The following DCC variants were observed in gnomAD, a reference collection of about 807,000 sequenced individuals.
DCC encodes DCC netrin 1 receptor, also known as netrin receptor DCC.
DCC carries 58 observed loss-of-function variants against 172.5 expected under a neutral mutation model. The observed-to-expected ratio is 0.34, with a 90% CI of 0.27 to 0.42. The LOEUF (loss-of-function observed/expected upper bound fraction) is 0.42, where lower values mean the gene tolerates loss of function less well. Ranked by LOEUF, DCC falls within the 10% of genes least tolerant of loss-of-function variation. The probability of loss-of-function intolerance (pLI) is 1.00; values close to 1 mark genes in which losing one functional copy is unlikely to be tolerated. For missense variants in DCC, 1,740 were observed against 1,791.0 expected (o/e 0.97, Z 0.51); for synonymous variants, 709 against 644.5 (o/e 1.10, Z -1.52).
rs115094981 is a variant in DCC at position 53,483,152 on chromosome 18, T to C, written c.3737-3645T>C. On this transcript the variant is annotated intron_variant, in intron 25 of 28. Transcript: ENST00000442544. ...AAGGAATTTATAACATTTTGGCTGG[T>C]ATCTGGTTTGAATCTCTGATTCTTT... Among the ~76,000 whole-genome samples, 242 of 152,068 alleles carry C rather than the reference T, an allele frequency of 1.6e-3. 2 individuals carry two copies. Among genetic ancestry groups the C allele is most frequent in the African/African-American group, 5.7e-3 (237 of 41,572 alleles).
chr18:52,379,978 T>C (rs545372289), intron 1 of DCC, among the ~76,000 whole-genome samples: 1 of 152,244 alleles, frequency 6.6e-6, no homozygotes, highest in East Asian at 1.9e-4. Context: ...AAGAGCAAGG[T>C]ACTGGTAGGT....
intron 1 of DCC, among the ~76,000 whole-genome samples, chr18:52,742,173 A>T (rs1376304672): frequency 6.6e-6 from 1 of 152,158 alleles, no homozygotes; most frequent in Non-Finnish European, 1.5e-5. Context: ...TGTGGGAAAC[A>T]AATCTTTTTA....
intron 1 of DCC, among the ~76,000 whole-genome samples, chr18:52,696,585 A>G (rs569859464): frequency 1.3e-5 from 2 of 152,242 alleles, no homozygotes; most frequent in Non-Finnish European, 1.5e-5. Flanking sequence ...AAATGAGTCT[A>G]TATCTCTCTT....
At chr18:53,044,783 C>A (rs2042214253) in intron 5 of DCC, among the ~76,000 whole-genome samples, 2 of 151,658 alleles carry the variant, frequency 1.3e-5, no homozygotes, top group Admixed American at 6.6e-5. Context: ...AAAATTTGTA[C>A]CAGCTTTAAA....
intron 7 of DCC, among the ~76,000 whole-genome samples, chr18:53,144,144 T>C (rs1442478054): frequency 6.6e-6 from 1 of 152,240 alleles, no homozygotes; most frequent in Non-Finnish European, 1.5e-5. Context: ...ATTAGGGATG[T>C]TAATGCTTTT....
intron 2 of DCC, among the ~76,000 whole-genome samples, chr18:52,791,717 G>A (rs2145206534): frequency 6.6e-6 from 1 of 152,160 alleles, no homozygotes; most frequent in South Asian, 2.1e-4. Context: ...AGCATCTGTT[G>A]CACTTTCCTC....
At chr18:53,310,695 TAATA>T (rs1475305674) in intron 13 of DCC, among the ~76,000 whole-genome samples, 1 of 152,162 alleles carries the variant, frequency 6.6e-6, no homozygotes, top group Non-Finnish European at 1.5e-5. Flanking sequence ...ATAAACATAA[TAATA>T]AAGATGCATT....
At chr18:52,712,070 C>T (rs2145057142) in intron 1 of DCC, among the ~76,000 whole-genome samples, 1 of 151,972 alleles carries the variant, frequency 6.6e-6, no homozygotes, top group East Asian at 1.9e-4. Context: ...AAGCAATTTT[C>T]CTGCCTCAGC....
At chr18:53,039,761 G>T (rs1034427162) in intron 5 of DCC, among the ~76,000 whole-genome samples, 4 of 151,904 alleles carry the variant, frequency 2.6e-5, no homozygotes, top group African/African-American at 9.7e-5. Context: ...AATCACAAGG[G>T]ATATAAAAAC....
At chr18:52,975,393 C>T (rs965944479) in intron 5 of DCC, among the ~76,000 whole-genome samples, 7 of 152,030 alleles carry the variant, frequency 4.6e-5, no homozygotes, top group East Asian at 3.9e-4. Context: ...CAGGGGTACT[C>T]GTGCGGGTTT....
At chr18:53,424,503 T>C (rs1910797598) in intron 21 of DCC, among the ~76,000 whole-genome samples, 1 of 152,126 alleles carries the variant, frequency 6.6e-6, no homozygotes, top group Non-Finnish European at 1.5e-5. Flanking sequence ...AAATGCCAAA[T>C]CAGATGGTAC....
At chr18:53,135,929 T>C (rs2043734237) in intron 7 of DCC, among the ~76,000 whole-genome samples, 1 of 152,198 alleles carries the variant, frequency 6.6e-6, no homozygotes, top group South Asian at 2.1e-4. Flanking sequence ...CTTCTATTGA[T>C]GAAATAGAAA....
At chr18:53,351,383 A>AGTATATATATACT (rs2057801938) in intron 15 of DCC, among the ~76,000 whole-genome samples, 2 of 35,090 alleles carry the variant, frequency 5.7e-5, no homozygotes, top group African/African-American at 2.1e-4. Flanking sequence ...ATATATATAC[A>AGTATATATATACT]GTATATATAT....
At chr18:52,350,157 A>T (rs1168018334) in intron 1 of DCC, among the ~76,000 whole-genome samples, 1 of 152,232 alleles carries the variant, frequency 6.6e-6, no homozygotes, top group African/African-American at 2.4e-5. Context: ...TTACAAATAG[A>T]TGAATAAAAG....
chr18:52,724,156 C>CT (rs1049001074), intron 1 of DCC, among the ~76,000 whole-genome samples: 2 of 151,828 alleles, frequency 1.3e-5, no homozygotes, highest in Non-Finnish European at 2.9e-5. Flanking sequence ...CCTCTCATAC[C>CT]TTTTTTAAAA....
chr18:52,497,289 A>G (rs371680619), intron 1 of DCC, among the ~76,000 whole-genome samples: 1 of 39,432 alleles, frequency 2.5e-5, no homozygotes, highest in Admixed American at 2.6e-4. Context: ...AAATATATAT[A>G]TATATATATA....
At chr18:52,968,329 C>CAG (rs1568217338) in intron 5 of DCC, among the ~76,000 whole-genome samples, 1 of 152,092 alleles carries the variant, frequency 6.6e-6, no homozygotes, top group Non-Finnish European at 1.5e-5. Flanking sequence ...ATGCATCAGG[C>CAG]AGGGACTAAG....
intron 5 of DCC, among the ~76,000 whole-genome samples, chr18:52,932,311 C>T (rs1004274949): frequency 2.6e-5 from 4 of 152,130 alleles, no homozygotes; most frequent in African/African-American, 9.6e-5. Flanking sequence ...CAGCTCCACA[C>T]AGGAAGAAAG....
At chr18:53,251,182 GT>G (rs1214360303) in intron 12 of DCC, among the ~76,000 whole-genome samples, 2 of 151,880 alleles carry the variant, frequency 1.3e-5, no homozygotes, top group Non-Finnish European at 2.9e-5. Flanking sequence ...TCTGACAGAT[GT>G]TGTTAAAGCA....
Sources: gnomAD v4.1 joint callset for allele counts (sites outside exome capture counted in the v4.1 genomes callset) on GRCh38, gnomAD v4.1.1 for gene constraint, MANE v1.5 for transcripts, NCBI Gene and HGNC (gene_info 2026-07-23, HGNC 2026-07-21) for gene names.